RALGPS2: variants seen among roughly 807,000 people sequenced by gnomAD.
RALGPS2 encodes ras-specific guanine nucleotide-releasing factor RalGPS2.
A neutral mutation model predicts 86.8 loss-of-function variants in RALGPS2; 43 were observed. That is an observed-to-expected ratio of 0.50 (90% CI 0.39 to 0.64). The LOEUF (loss-of-function observed/expected upper bound fraction) is 0.64, where lower values mean the gene tolerates loss of function less well. Ranked by LOEUF, RALGPS2 falls within the 30% of genes least tolerant of loss-of-function variation. The pLI, the probability that RALGPS2 is intolerant of heterozygous loss-of-function variation, is 0.00. For synonymous variants in RALGPS2, 243 were observed against 231.3 expected (o/e 1.05, Z -0.46); for missense variants, 536 against 694.6 (o/e 0.77, Z 2.57).
chr1:178,915,579 G>A (rs960424106), intron 19 of RALGPS2, among the ~76,000 whole-genome samples: 3 of 152,196 alleles, frequency 2.0e-5, no homozygotes, highest in Non-Finnish European at 4.4e-5. Context: ...TATACTTTAA[G>A]CACTTGAGCA....
chr1:178,862,417 G>A (rs955556373), intron 8 of RALGPS2, among the ~76,000 whole-genome samples: 24 of 151,872 alleles, frequency 1.6e-4, no homozygotes, highest in African/African-American at 5.8e-4. Context: ...TTATAATATA[G>A]TTGGAAAGCC....
intron 16 of RALGPS2, 28 bp downstream of exon 16, chr1:178,894,052 T>C: frequency 2.2e-6 from 3 of 1,338,358 alleles, no homozygotes; most frequent in Non-Finnish European, 1.1e-6. Context: ...TATATTTTAA[T>C]ACACCTCTAA....
At chr1:178,747,532 C>A (rs1426171474) in intron 1 of RALGPS2, 3 of 1,611,904 alleles carry the variant, frequency 1.9e-6, no homozygotes, top group Non-Finnish European at 2.5e-6. Flanking sequence ...CTGCTTTGGT[C>A]TTCTGCTGCC....
chr1:178,885,899 C>A, intron 12 of RALGPS2, 70 bp from the exon 13 acceptor site: 1 of 1,301,712 alleles, frequency 7.7e-7, no homozygotes, highest in South Asian at 1.5e-5. Context: ...TGTCCTAAAT[C>A]TTTATATAAA....
chr1:178,881,086 T>A (rs1364689464), intron 10 of RALGPS2, among the ~76,000 whole-genome samples: 1 of 152,186 alleles, frequency 6.6e-6, no homozygotes, highest in Non-Finnish European at 1.5e-5. Context: ...AAAAATAAGA[T>A]ACTGTTCTTG....
At chr1:178,751,839 C>A (rs534272013) in intron 1 of RALGPS2, among the ~76,000 whole-genome samples, 53 of 152,228 alleles carry the variant, frequency 3.5e-4, no homozygotes, top group African/African-American at 1.3e-3. Flanking sequence ...AGCTACAAGT[C>A]GCTATGCAAA....
chr1:178,733,329 G>A (rs1283034103), intron 1 of RALGPS2, among the ~76,000 whole-genome samples: 2 of 152,130 alleles, frequency 1.3e-5, no homozygotes, highest in East Asian at 3.8e-4. Context: ...ATCTGTCAGA[G>A]GACTTATATA....
At chr1:178,725,957 G>A (rs1026870831) in intron 1 of RALGPS2, 6 of 152,164 alleles carry the variant, frequency 3.9e-5, no homozygotes, top group Admixed American at 3.9e-4. Context: ...GTGACCTGTT[G>A]CAGAGCGGCC....
At chr1:178,759,115 T>C (rs567983456) in intron 1 of RALGPS2, among the ~76,000 whole-genome samples, 1 of 152,156 alleles carries the variant, frequency 6.6e-6, no homozygotes, top group East Asian at 1.9e-4. Flanking sequence ...TTGCCTGTGC[T>C]TGTGGGGTGT....
At chr1:178,765,134 A>G (rs1652433105) in intron 1 of RALGPS2, among the ~76,000 whole-genome samples, 1 of 151,206 alleles carries the variant, frequency 6.6e-6, no homozygotes, top group South Asian at 2.1e-4. Context: ...ACTTTTCTTT[A>G]TAAATTACCC....
At chr1:178,795,259 A>C (rs1654135817) in intron 4 of RALGPS2, among the ~76,000 whole-genome samples, 1 of 152,128 alleles carries the variant, frequency 6.6e-6, no homozygotes, top group Admixed American at 6.5e-5. Flanking sequence ...CATTTAGATT[A>C]TATCAACAAA....
At chr1:178,876,924 T>C (rs1659030682) in intron 8 of RALGPS2, among the ~76,000 whole-genome samples, 1 of 152,158 alleles carries the variant, frequency 6.6e-6, no homozygotes, top group African/African-American at 2.4e-5. Flanking sequence ...ATGTAAAACA[T>C]TTCTACCAGA....
intron 8 of RALGPS2, among the ~76,000 whole-genome samples, chr1:178,852,272 TC>T (rs1397984261): frequency 1.3e-5 from 2 of 152,166 alleles, no homozygotes; most frequent in African/African-American, 4.8e-5. Flanking sequence ...GAGTACTTAT[TC>T]CCACCTAACA....
intron 1 of RALGPS2, among the ~76,000 whole-genome samples, chr1:178,771,747 C>T (rs1371847533): frequency 6.6e-6 from 1 of 152,086 alleles, no homozygotes; most frequent in East Asian, 1.9e-4. Context: ...GTTGGTTCAT[C>T]TCTCTTCTTT....
chr1:178,914,581 G>A (rs979348133), intron 19 of RALGPS2, among the ~76,000 whole-genome samples: 1 of 152,014 alleles, frequency 6.6e-6, no homozygotes, highest in Non-Finnish European at 1.5e-5. Flanking sequence ...TAGGCTTGGA[G>A]TATGCTGGTC....
intron 8 of RALGPS2, chr1:178,851,016 A>G: frequency 1.9e-6 from 2 of 1,040,406 alleles, no homozygotes; most frequent in South Asian, 5.5e-5. Flanking sequence ...ATTCATTTTA[A>G]AAACTTTCTG....
At chr1:178,824,497 T>A (rs1655656663) in intron 7 of RALGPS2, among the ~76,000 whole-genome samples, 1 of 152,052 alleles carries the variant, frequency 6.6e-6, no homozygotes, top group Admixed American at 6.6e-5. Flanking sequence ...AGTACCCTAG[T>A]GTATCAGTAA....
At chr1:178,807,908 A>G (rs1056143718) in intron 4 of RALGPS2, 137 bp from the exon 5 acceptor site, 7 of 683,600 alleles carry the variant, frequency 1.0e-5, no homozygotes, top group African/African-American at 5.5e-5. Context: ...CTGAATGGAT[A>G]TAATATTATG....
Position 178,747,261 on chromosome 1 carries a change from A to G in RALGPS2, c.-84+21842A>G, listed in dbSNP as rs141575343. On this transcript the variant is annotated intron_variant, in intron 1 of 19. Transcript: ENST00000367635. Reference sequence around the variant, plus strand: ...GAGCCAGATTCTCTCACTTTAAACAAGAAATTGAGAAATGAAGCTGGTGAT... The same window carrying G: ...GAGCCAGATTCTCTCACTTTAAACAGGAAATTGAGAAATGAAGCTGGTGAT... 3.8e-3 allele frequency: 5,745 copies of G among 1,507,764 alleles called. 201 individuals carry two copies. In the Admixed American group the frequency reaches 0.072, roughly 19 times the overall value. 93.4% of individuals were successfully genotyped at this position (1,507,764 alleles called of 1,614,324 possible).
Sources: gnomAD v4.1 joint callset for allele counts (sites outside exome capture counted in the v4.1 genomes callset) on GRCh38, gnomAD v4.1.1 for gene constraint, MANE v1.5 for transcripts, NCBI Gene and HGNC (gene_info 2026-07-23, HGNC 2026-07-21) for gene names.